Variants in NOTCH3 observed in about 807,000 individuals in gnomAD.
NOTCH3 encodes neurogenic locus notch homolog protein 3.
Under a neutral mutation model 213.3 loss-of-function variants are expected in NOTCH3, and 86 were observed. The observed-to-expected ratio is 0.40, with a 90% CI of 0.34 to 0.48. The LOEUF (loss-of-function observed/expected upper bound fraction) is 0.48. Among genes scored for constraint, NOTCH3 ranks in the 20% least tolerant of loss-of-function variants. The probability of loss-of-function intolerance (pLI) is 0.57; values close to 1 mark genes in which losing one functional copy is unlikely to be tolerated. For missense variants in NOTCH3, 2,783 were observed against 3,272.6 expected (o/e 0.85, Z 3.65); for synonymous variants, 1,354 against 1,355.9 (o/e 1.00, Z 0.03).
intron 28 of NOTCH3, 132 bp from the exon 29 acceptor site, chr19:15,167,543 A>C: frequency 1.3e-6 from 1 of 790,228 alleles, no homozygotes; most frequent in East Asian, 2.7e-5. Context: ...GAAATCATTT[A>C]CCATCTGTTT....
chr19:15,184,698 C>T (rs560367183), intron 15 of NOTCH3, among the ~76,000 whole-genome samples: 2 of 152,330 alleles, frequency 1.3e-5, no homozygotes, highest in South Asian at 2.1e-4. Context: ...CCCTAAGTCC[C>T]AGCATCTCTA....
chr19:15,177,094 A>T (rs1322511102), intron 24 of NOTCH3, among the ~76,000 whole-genome samples: 2 of 105,846 alleles, frequency 1.9e-5, no homozygotes, highest in South Asian at 3.3e-4. Flanking sequence ...AAAAAAAAAA[A>T]GGAATTCGGC....
chr19:15,171,502 A>G (rs1304742986), intron 25 of NOTCH3, among the ~76,000 whole-genome samples: 1 of 152,024 alleles, frequency 6.6e-6, no homozygotes, highest in African/African-American at 2.4e-5. Context: ...GACATGTGCC[A>G]CCACACCTGG....
rs2046801707 is a variant in NOTCH3 at position 15,177,514 on chromosome 19, G to A, written c.4403+11C>T. 1 of 1,605,324 alleles carries A rather than the reference G, an allele frequency of 6.2e-7. No homozygotes were observed. Among genetic ancestry groups the A allele is most frequent in the Admixed American group, 1.7e-5 (1 of 59,182 alleles). On this transcript the variant is annotated intron_variant, in intron 24 of 32. Transcript: ENST00000263388. Reference sequence around the variant, plus strand: ...CATAGACAGACGGATCGATCGGGTGGATGGGCTCACTTGCAAGTGCGCTCG... The same window carrying A: ...CATAGACAGACGGATCGATCGGGTGAATGGGCTCACTTGCAAGTGCGCTCG...
Position 15,178,080 on chromosome 19 carries a change from C to A in NOTCH3, c.3848G>T (p.Gly1283Val), listed in dbSNP as rs1774282318. The stretch of plus-strand genomic sequence containing the variant: ...GCGCGCCACCCGCTCGCAACGCGGA[C>A]CCCAGAACGGCTGGGGGTCGGGTTT... Reference protein sequence around the residue: ...FTCHCAQPFWGPRCERVARSC... With the variant: ...FTCHCAQPFWVPRCERVARSC... The change falls in exon 24 of 33, where the codon GGT becomes GTT. Residue 1283 changes from glycine (G) to valine (V), a missense_variant. Transcript: ENST00000263388. 6.6e-7 allele frequency: 1 copy of A among 1,519,614 alleles called. No individual in the cohort carries two copies. The highest frequency in any genetic ancestry group is 2.0e-5 in the Admixed American group (1 of 50,242). The allele number at this position is 1,519,614 out of a possible 1,614,324, so 94.1% of individuals were successfully genotyped here.
chr19:15,181,793 G>A lies in NOTCH3; in HGVS notation c.2575C>T (p.Leu859=). ...DINDCDPNPC[L]NGGSCQDGVG... ...CCGTCTTGGCACGAGCCACCGTTCA[G>A]GCATGGGTCTGCGGACAGGAGGAAG... The change falls in exon 17 of 33, where the codon CTG becomes TTG. Residue 859 remains leucine (L), a synonymous_variant. Coordinates refer to ENST00000263388, the MANE Select transcript of NOTCH3 (RefSeq NM_000435.3). The A allele has an allele frequency of 6.4e-7, 1 of 1,558,074 alleles. No homozygotes were observed. Among genetic ancestry groups the A allele is most frequent in the Non-Finnish European group, 8.7e-7 (1 of 1,150,796 alleles).
chr19:15,187,383 T>G (rs1379825326), intron 10 of NOTCH3, 45 bp from the exon 11 acceptor site: 8 of 1,556,202 alleles, frequency 5.1e-6, no homozygotes, highest in Admixed American at 3.4e-5. Context: ...GCCAGGGGCC[T>G]GCCCACAAGT....
rs2145436576 is a variant in NOTCH3 at position 15,189,186 on chromosome 19, A to G, written c.1193-12T>C. The G allele has an allele frequency of 1.9e-6, 3 of 1,613,272 alleles. No individual in the cohort carries two copies. The highest frequency in any genetic ancestry group is 1.7e-5 in the Admixed American group (1 of 60,026). Reference sequence around the variant, plus strand: ...GCAGGGGTTGGCGCCTGCCGGATGGAGTGCGATCGGTGTGGGCGTGGCTGG... The same window carrying G: ...GCAGGGGTTGGCGCCTGCCGGATGGGGTGCGATCGGTGTGGGCGTGGCTGG... On this transcript the variant is annotated splice_polypyrimidine_tract_variant and intron_variant, in intron 7 of 32. Transcript: ENST00000263388.
chr19:15,172,402 C>T (rs78701225), intron 25 of NOTCH3, among the ~76,000 whole-genome samples: 1 of 152,296 alleles, frequency 6.6e-6, no homozygotes, highest in East Asian at 1.9e-4. Context: ...GTCCCTCAGA[C>T]TCTGCAAGCT....
Position 15,185,327 on chromosome 19 carries a change from C to T in NOTCH3, c.2226G>A (p.Pro742=), listed in dbSNP as rs79471197. ...TGCTGCATGTCCCACCGGCCCTGCACGGCTGGGACTCACAGGCGTCTCGGG... is the reference window on the plus strand; with the variant it reads ...TGCTGCATGTCCCACCGGCCCTGCATGGCTGGGACTCACAGGCGTCTCGGG... ...SLARDACESQ[P]CRAGGTCSSD... Residue 742 remains proline, a synonymous_variant, in exon 14 of 33, where the codon CCG becomes CCA. Transcript: ENST00000263388. This position sits in a 1 kb window ranked among gnomAD's most constrained non-coding sequence, Gnocchi z 4.2. The T allele has an allele frequency of 6.8e-5, 110 of 1,612,616 alleles. No individual in the cohort carries two copies. Among genetic ancestry groups the T allele is most frequent in the Non-Finnish European group, 8.1e-5 (96 of 1,179,864 alleles).
At chr19:15,175,192 G>T (rs560836448) in intron 24 of NOTCH3, among the ~76,000 whole-genome samples, 4 of 152,202 alleles carry the variant, frequency 2.6e-5, no homozygotes, top group African/African-American at 9.6e-5. Flanking sequence ...AGATAGTAAG[G>T]GAGATACATG....
chr19:15,170,602 G>A (rs750681667), intron 26 of NOTCH3, 49 bp from the exon 27 acceptor site: 43 of 1,579,620 alleles, frequency 2.7e-5, no homozygotes, highest in Non-Finnish European at 3.3e-5. Flanking sequence ...GCGGGGCTTT[G>A]GCCTCAGGCG....
intron 1 of NOTCH3, 138 bp from the exon 2 acceptor site, chr19:15,197,716 C>T: frequency 1.5e-6 from 1 of 661,666 alleles, no homozygotes; most frequent in Non-Finnish European, 2.6e-6. Flanking sequence ...AGGGAGTCCC[C>T]CCATCCACAG....
Position 15,161,638 on chromosome 19 carries a change from T to C in NOTCH3, c.5990A>G (p.Asn1997Ser), listed in dbSNP as rs1281503915. ...GTCCAGGTGGTCGGTGATCTCACGG[T>C]TGGCAAAGTGGTCCAACAGCAGCTT... ...AAKLLLDHFANREITDHLDRL... is the reference protein window; with the variant it reads ...AAKLLLDHFASREITDHLDRL... Residue 1997 changes from asparagine to serine, a missense_variant, in exon 33 of 33, where the codon AAC becomes AGC. Transcript: ENST00000263388. 40 of 1,613,734 alleles carry C rather than the reference T, an allele frequency of 2.5e-5. No individual in the cohort carries two copies. Among genetic ancestry groups the C allele is most frequent in the Non-Finnish European group, 3.4e-5 (40 of 1,179,884 alleles).
chr19:15,159,421 G>A lies in NOTCH3; in HGVS notation c.*1241C>T, dbSNP rs149949800. 4.8e-4 allele frequency: 86 copies of A among 180,700 alleles called. No homozygotes were observed. Among genetic ancestry groups the A allele is most frequent in the African/African-American group, 2.0e-3 (84 of 42,532 alleles). 11.2% of individuals were successfully genotyped at this position (180,700 alleles called of 1,614,324 possible). ...TTTCTTAGCCTCTCCATTAAAGAAA[G>A]TTCTCGAGCAAAAGAATCTGATTGG... is the stretch of plus-strand genomic sequence containing the variant. On this transcript the variant is annotated 3_prime_UTR_variant, in exon 33 of 33. Transcript: ENST00000263388.
intron 31 of NOTCH3, among the ~76,000 whole-genome samples, 161 bp from the exon 32 acceptor site, chr19:15,162,723 CA>C (rs1414681996): frequency 1.3e-5 from 2 of 151,596 alleles, no homozygotes; most frequent in Non-Finnish European, 2.9e-5. Flanking sequence ...TGCAAATCTG[CA>C]AAATGACTCT....
rs2046621614 is a variant in NOTCH3 at position 15,159,384 on chromosome 19, C to G, written c.*1278G>C. 1 of 172,882 alleles carries G rather than the reference C, an allele frequency of 5.8e-6. No individual in the cohort carries two copies. The highest frequency in any genetic ancestry group is 2.4e-5 in the African/African-American group (1 of 42,124). 10.7% of individuals were successfully genotyped at this position (172,882 alleles called of 1,614,324 possible). On this transcript the variant is annotated 3_prime_UTR_variant, in exon 33 of 33. Transcript: ENST00000263388. ...TCTGATTGTGACCTTAAGAGCTCCA[C>G]CAACTGACAACTTTCTTAGCCTCTC...
intron 2 of NOTCH3, 47 bp downstream of exon 2, chr19:15,197,453 C>G (rs779936374): frequency 1.8e-5 from 17 of 949,564 alleles, no homozygotes; most frequent in South Asian, 6.7e-5. Context: ...CCCTCCCCCC[C>G]GCCCCCACAC....
At chr19:15,164,250 A>T (rs1290027699) in intron 31 of NOTCH3, among the ~76,000 whole-genome samples, 4 of 151,666 alleles carry the variant, frequency 2.6e-5, no homozygotes, top group Non-Finnish European at 2.9e-5. Context: ...TTTTGTTTTT[A>T]AAAAAAAGGA....
Sources: gnomAD v4.1 joint callset for allele counts (sites outside exome capture counted in the v4.1 genomes callset) on GRCh38, gnomAD v4.1.1 for gene constraint, Gnocchi (gnomAD v3.1) non-coding constraint, MANE v1.5 for transcripts, NCBI Gene and HGNC (gene_info 2026-07-23, HGNC 2026-07-21) for gene names.